FGF1: variants seen among roughly 807,000 people sequenced by gnomAD.
FGF1 encodes beta-endothelial cell growth factor.
FGF1 carries 9 observed loss-of-function variants against 13.4 expected under a neutral mutation model. That is an observed-to-expected ratio of 0.67 (90% CI 0.40 to 1.17). FGF1 has a LOEUF of 1.17. FGF1 is among the 50% of genes most tolerant of loss of function. The pLI is 0.01. For missense variants in FGF1, 156 were observed against 192.7 expected (o/e 0.81, Z 1.13); for synonymous variants, 93 against 79.0 (o/e 1.18, Z -0.94).
chr5:142,661,245 A>G (rs1185160624), intron 1 of FGF1, among the ~76,000 whole-genome samples: 2 of 152,238 alleles, frequency 1.3e-5, no homozygotes, highest in East Asian at 3.8e-4. Context: ...ACCTGAAAAG[A>G]TGCTCAACCC....
At chr5:142,679,070 C>A (rs769661479) in intron 1 of FGF1, among the ~76,000 whole-genome samples, 1 of 152,184 alleles carries the variant, frequency 6.6e-6, no homozygotes, top group Non-Finnish European at 1.5e-5. Flanking sequence ...TCGTTCCCTT[C>A]GTTGAAATGA....
At chr5:142,672,905 T>C (rs1177512165) in intron 1 of FGF1, among the ~76,000 whole-genome samples, 1 of 152,226 alleles carries the variant, frequency 6.6e-6, no homozygotes, top group Non-Finnish European at 1.5e-5. Context: ...CCTCTGCTCC[T>C]ACCGTGAGAC....
At chr5:142,646,360 A>AT (rs1286277571) in intron 1 of FGF1, among the ~76,000 whole-genome samples, 32 of 148,830 alleles carry the variant, frequency 2.2e-4, no homozygotes, top group South Asian at 1.1e-3. Flanking sequence ...TGCCCAGCTA[A>AT]TTTTTTTTTG....
At chr5:142,697,133 G>C (rs765200607) in intron 2 of FGF1, among the ~76,000 whole-genome samples, 2 of 152,202 alleles carry the variant, frequency 1.3e-5, no homozygotes, top group Non-Finnish European at 2.9e-5. Flanking sequence ...AGGGCTCTAA[G>C]AAATCAGGAA....
At chr5:142,608,614 A>C (rs1490270114) in intron 2 of FGF1, among the ~76,000 whole-genome samples, 1 of 134,094 alleles carries the variant, frequency 7.5e-6, no homozygotes, top group Non-Finnish European at 1.6e-5. Flanking sequence ...GTAAATATAT[A>C]TGAAAAAAAA....
At chr5:142,682,851 G>A (rs1344329287) in intron 1 of FGF1, among the ~76,000 whole-genome samples, 5 of 151,992 alleles carry the variant, frequency 3.3e-5, no homozygotes, top group Non-Finnish European at 7.4e-5. Context: ...TCTCCCTGTA[G>A]GCCACTGGCC....
intron 1 of FGF1, chr5:142,680,006 G>A (rs1773412737): frequency 6.6e-6 from 1 of 152,284 alleles, no homozygotes; most frequent in African/African-American, 2.4e-5. Flanking sequence ...CTTGTTCCAA[G>A]CCTCTCTCCT....
intron 2 of FGF1, among the ~76,000 whole-genome samples, chr5:142,605,048 C>A (rs1757343788): frequency 6.6e-6 from 1 of 152,170 alleles, no homozygotes; most frequent in Non-Finnish European, 1.5e-5. Flanking sequence ...ATAGGTGCGA[C>A]AGAAACCCCA....
chr5:142,685,938 C>A lies in FGF1; in HGVS notation c.-35+19G>T. The A allele has an allele frequency of 6.6e-6, 1 of 152,318 alleles. No individual in the cohort carries two copies. Among genetic ancestry groups the A allele is most frequent in the Non-Finnish European group, 1.5e-5 (1 of 68,174 alleles). 9.4% of individuals were successfully genotyped at this position (152,318 alleles called of 1,614,324 possible). ...CTATAACCTGCTCTGTTTCCCAGAT[C>A]AGATGCCCTGATTCTTACCTAAAGA... On this transcript the variant is annotated intron_variant, in intron 1 of 3. Transcript: ENST00000337706.
chr5:142,663,294 C>T (rs1368577852), intron 1 of FGF1, among the ~76,000 whole-genome samples: 5 of 151,154 alleles, frequency 3.3e-5, no homozygotes, highest in South Asian at 2.1e-4. Context: ...TCCAGCAGAA[C>T]GATTTTACCA....
rs750797647 is a variant in FGF1, at chr5:142,594,969, G to A, written c.*321C>T. ...GCAGTTACTAATGTCCCACTTAGCC[G>A]ACCCCTTAACACACTTCATTTAGCC... is the stretch of plus-strand genomic sequence containing the variant. On this transcript the variant is annotated 3_prime_UTR_variant, in exon 4 of 4. Transcript: ENST00000337706. The A allele has an allele frequency of 9.8e-5, 24 of 244,472 alleles. No individual in the cohort carries two copies. The highest frequency in any genetic ancestry group is 1.4e-4 in the Non-Finnish European group (18 of 127,942). The allele number at this position is 244,472 out of a possible 1,614,324, so 15.1% of individuals were successfully genotyped here. A position where few individuals can be genotyped will look rare whatever the true frequency, so the allele number is the denominator to read the frequency against.
intron 1 of FGF1, among the ~76,000 whole-genome samples, chr5:142,614,857 C>G (rs1439517629): frequency 6.6e-6 from 1 of 152,134 alleles, no homozygotes; most frequent in African/African-American, 2.4e-5. Context: ...GAAGGCTATG[C>G]CTGGTTCCTG....
chr5:142,647,461 A>T (rs905801989), intron 1 of FGF1, among the ~76,000 whole-genome samples: 2 of 152,206 alleles, frequency 1.3e-5, no homozygotes, highest in Non-Finnish European at 2.9e-5. Context: ...GCGTGCTCCC[A>T]TGTGCACACA....
At chr5:142,676,715 G>A (rs567467030) in intron 1 of FGF1, among the ~76,000 whole-genome samples, 11 of 152,310 alleles carry the variant, frequency 7.2e-5, no homozygotes, top group African/African-American at 2.6e-4. Flanking sequence ...TTTCCAAGGA[G>A]CTTAGGGCTC....
chr5:142,646,336 G>T (rs1458636405), intron 1 of FGF1, among the ~76,000 whole-genome samples: 10 of 148,214 alleles, frequency 6.7e-5, no homozygotes, highest in Non-Finnish European at 1.3e-4. Flanking sequence ...TGGGATTACA[G>T]GTGCCTGCCA....
At chr5:142,681,869 CAGCCA>C (rs1369147757) in intron 1 of FGF1, among the ~76,000 whole-genome samples, 1 of 152,208 alleles carries the variant, frequency 6.6e-6, no homozygotes, top group Non-Finnish European at 1.5e-5. Context: ...GATACACTTA[CAGCCA>C]AGCACAGTGC....
chr5:142,657,483 C>G (rs1360978266), intron 1 of FGF1, among the ~76,000 whole-genome samples: 2 of 152,228 alleles, frequency 1.3e-5, no homozygotes, highest in Non-Finnish European at 2.9e-5. Flanking sequence ...ACCAAAACAA[C>G]CTTGGAAAAG....
At chr5:142,654,061 T>C (rs923489506) in intron 1 of FGF1, among the ~76,000 whole-genome samples, 5 of 152,180 alleles carry the variant, frequency 3.3e-5, no homozygotes, top group African/African-American at 4.8e-5. Flanking sequence ...CACTGCACTC[T>C]AGCCTGGCAA....
At chr5:142,696,677 C>T (rs1255820938) in intron 2 of FGF1, among the ~76,000 whole-genome samples, 1 of 152,128 alleles carries the variant, frequency 6.6e-6, no homozygotes, top group African/African-American at 2.4e-5. Flanking sequence ...CATCTAGGCC[C>T]CTGGATCTCA....
Sources: allele counts gnomAD v4.1 joint callset (sites outside exome capture counted in the v4.1 genomes callset), GRCh38; gene constraint gnomAD v4.1.1; transcripts MANE v1.5; gene names NCBI Gene and HGNC (gene_info 2026-07-23, HGNC 2026-07-21).